GRIK4: variants seen among roughly 807,000 people sequenced by gnomAD.
GRIK4 encodes glutamate receptor ionotropic, kainate 4.
GRIK4 carries 40 observed loss-of-function variants against 104.9 expected under a neutral mutation model. The observed-to-expected ratio is 0.38, with a 90% CI of 0.30 to 0.50. The LOEUF is 0.50. GRIK4 is among the 20% of genes least tolerant of loss of function. GRIK4 has a pLI of 0.93. For synonymous variants in GRIK4, 485 were observed against 524.9 expected (o/e 0.92, Z 1.04); for missense variants, 1,047 against 1,308.1 (o/e 0.80, Z 3.08).
chr11:120,985,908 C>T lies in GRIK4; in HGVS notation c.2519C>T (p.Ser840Phe). Residue 840 changes from serine (S) to phenylalanine (F), a missense_variant, in exon 21 of 21, where the codon TCC becomes TTC. By Grantham distance (155) the Ser-to-Phe change is radical. Around this residue, in one of 3 missense-constraint regions of GRIK4, gnomAD observed 440 missense variants for 652.3 expected, o/e 0.67. Transcript: ENST00000527524. ...TLRHSEATEVSVCQEMVTELR... is the reference protein window; with the variant it reads ...TLRHSEATEVFVCQEMVTELR... ...TGACCTCGCTGTCTCCTCCAGGTGT[C>T]CGTCTGCCAGGAGATGGTGACCGAG... The T allele has an allele frequency of 6.4e-7, 1 of 1,551,976 alleles. No homozygotes were observed. The highest frequency in any genetic ancestry group is 8.7e-7 in the Non-Finnish European group (1 of 1,147,816).
chr11:120,822,584 C>T (rs1029932743), intron 6 of GRIK4, among the ~76,000 whole-genome samples: 1 of 152,204 alleles, frequency 6.6e-6, no homozygotes, highest in African/African-American at 2.4e-5. Context: ...ACTTAGAAAT[C>T]CAGTTCCTCA....
At chr11:120,959,106 T>G (rs1172656347) in intron 16 of GRIK4, among the ~76,000 whole-genome samples, 2 of 152,192 alleles carry the variant, frequency 1.3e-5, no homozygotes, top group Admixed American at 1.3e-4. Flanking sequence ...CTTTACAGAT[T>G]GCTGATCACT....
chr11:120,890,498 A>G (rs1449428209), intron 11 of GRIK4, among the ~76,000 whole-genome samples: 4 of 152,216 alleles, frequency 2.6e-5, no homozygotes, highest in African/African-American at 7.2e-5. Flanking sequence ...CCAGGCCTTA[A>G]GGTCAAGACA....
chr11:120,750,299 C>T (rs1452005112), intron 3 of GRIK4, among the ~76,000 whole-genome samples: 1 of 150,656 alleles, frequency 6.6e-6, no homozygotes, highest in Non-Finnish European at 1.5e-5. Flanking sequence ...AGTCTTGGTA[C>T]ACCCTAATCC....
chr11:120,941,496 G>A (rs558457344), intron 14 of GRIK4, among the ~76,000 whole-genome samples: 31 of 152,202 alleles, frequency 2.0e-4, no homozygotes, highest in South Asian at 8.3e-4. Context: ...TGTGTCCCCC[G>A]CCACCAAAAT....
intron 1 of GRIK4, among the ~76,000 whole-genome samples, chr11:120,649,372 C>T (rs973673262): frequency 2.0e-5 from 3 of 152,162 alleles, no homozygotes; most frequent in Non-Finnish European, 2.9e-5. Flanking sequence ...CACTGATGTG[C>T]ACCAGAAGTG....
At chr11:120,886,612 A>AT (rs2135717107) in intron 11 of GRIK4, among the ~76,000 whole-genome samples, 1 of 152,330 alleles carries the variant, frequency 6.6e-6, no homozygotes, top group Non-Finnish European at 1.5e-5. Flanking sequence ...AGGAACAAAA[A>AT]TGGTTCGGTA....
chr11:120,559,046 G>A (rs1469549082), intron 1 of GRIK4, among the ~76,000 whole-genome samples: 2 of 152,204 alleles, frequency 1.3e-5, no homozygotes, highest in Admixed American at 6.5e-5. Flanking sequence ...CCAGGCCAAG[G>A]GAGATGGAGA....
intron 13 of GRIK4, among the ~76,000 whole-genome samples, chr11:120,935,636 T>C (rs960221388): frequency 1.3e-5 from 2 of 152,228 alleles, no homozygotes; most frequent in South Asian, 2.1e-4. Context: ...AACCTTTTTG[T>C]TGTTGCAATT....
chr11:120,743,737 G>C (rs1342985733), intron 3 of GRIK4, among the ~76,000 whole-genome samples: 1 of 152,198 alleles, frequency 6.6e-6, no homozygotes, highest in African/African-American at 2.4e-5. Flanking sequence ...CACATACAAA[G>C]TCTCATAGAT....
chr11:120,922,797 C>T (rs1392548105), intron 13 of GRIK4, among the ~76,000 whole-genome samples: 2 of 152,348 alleles, frequency 1.3e-5, no homozygotes, highest in East Asian at 1.9e-4. Flanking sequence ...CACCCCTTTC[C>T]AGAACCTATG....
At position 120,903,819 on chromosome 11, in the gene GRIK4, C is replaced by T. The variant is rs1942803869; in HGVS notation, c.1273-1471C>T. 6.6e-6 allele frequency among the ~76,000 whole-genome samples: 1 copy of T among 152,202 alleles called. No homozygotes were observed. The highest frequency in any genetic ancestry group is 2.1e-4 in the South Asian group (1 of 4,822). On this transcript the variant is annotated intron_variant, in intron 12 of 20. Transcript: ENST00000527524. This position sits in a 1 kb window ranked among gnomAD's most constrained non-coding sequence, Gnocchi z 4.4. ...ACAGCCCTCACTCCTGTGGCACTCG[C>T]TCAGTCCTCATCCTACGGAGTCCTG...
At chr11:120,897,905 T>A (rs1942630339) in intron 11 of GRIK4, among the ~76,000 whole-genome samples, 1 of 152,078 alleles carries the variant, frequency 6.6e-6, no homozygotes, top group Non-Finnish European at 1.5e-5. Flanking sequence ...GAACACCCAC[T>A]GGCACATACA....
intron 3 of GRIK4, among the ~76,000 whole-genome samples, chr11:120,682,993 C>T (rs1950221536): frequency 6.6e-6 from 1 of 151,616 alleles, no homozygotes; most frequent in Non-Finnish European, 1.5e-5. Flanking sequence ...TGATACTGCT[C>T]CCCCTCTCTC....
At chr11:120,705,263 C>T (rs1352129815) in intron 3 of GRIK4, among the ~76,000 whole-genome samples, 2 of 147,122 alleles carry the variant, frequency 1.4e-5, no homozygotes, top group African/African-American at 4.9e-5. Context: ...TGGAGTTTCA[C>T]TGTTGTCTTG....
chr11:120,925,973 C>CAA (rs34815296), intron 13 of GRIK4, among the ~76,000 whole-genome samples: 11,360 of 120,002 alleles, frequency 0.095, 598 homozygotes, highest in Middle Eastern at 0.17. Flanking sequence ...GACTCCATCT[C>CAA]AAAAAAAAAA....
Position 120,524,246 on chromosome 11 carries a change from C to T in GRIK4, c.-159+12359C>T, listed in dbSNP as rs1249412094. ...GGCCGTTTCTGCATTCTTTCCCCAA[C>T]AACCAGAACAGCACTGGGTGCTCAG... On this transcript the variant is annotated intron_variant, in intron 1 of 20. Transcript: ENST00000527524. The surrounding 1 kb of genome is among the most constrained non-coding windows in gnomAD (Gnocchi z 4.5). 1.3e-5 allele frequency among the ~76,000 whole-genome samples: 2 copies of T among 152,196 alleles called. No individual in the cohort carries two copies. The highest frequency in any genetic ancestry group is 2.4e-5 in the African/African-American group (1 of 41,460).
At chr11:120,686,986 C>G (rs1591804415) in intron 3 of GRIK4, among the ~76,000 whole-genome samples, 1 of 152,188 alleles carries the variant, frequency 6.6e-6, no homozygotes, top group South Asian at 2.1e-4. Context: ...GTCAAGGGCA[C>G]ACTAATTACC....
intron 3 of GRIK4, among the ~76,000 whole-genome samples, chr11:120,740,940 C>T (rs1951317255): frequency 6.6e-6 from 1 of 152,100 alleles, no homozygotes; most frequent in African/African-American, 2.4e-5. Context: ...ACTGAGTGTC[C>T]AACCCTACCT....
Sources: gnomAD v4.1 joint callset for allele counts (sites outside exome capture counted in the v4.1 genomes callset) on GRCh38, gnomAD v4.1.1 for gene constraint, gnomAD v4.1.1 regional missense constraint, Gnocchi (gnomAD v3.1) non-coding constraint, MANE v1.5 for transcripts, NCBI Gene and HGNC (gene_info 2026-07-23, HGNC 2026-07-21) for gene names.